SYNM: variants seen among roughly 807,000 people sequenced by gnomAD.
SYNM encodes desmuslin.
In SYNM, 95 loss-of-function variants were observed where a neutral mutation model predicts 104.0. That is an observed-to-expected ratio of 0.91 (90% CI 0.77 to 1.08). SYNM has a LOEUF of 1.08. SYNM is among the 50% of genes least tolerant of loss of function. SYNM has a pLI of 0.00. For missense variants in SYNM, 2,150 were observed against 2,052.2 expected, an observed-to-expected ratio of 1.05 and a Z score of -0.92; for synonymous variants, 918 against 869.0, an observed-to-expected ratio of 1.06 and a Z score of -0.99.
intron 2 of SYNM, 48 bp downstream of exon 2, chr15:99,113,763 A>G: frequency 6.2e-7 from 1 of 1,605,184 alleles, no homozygotes; most frequent in Non-Finnish European, 8.5e-7. Context: ...TGGGGGTGTA[A>G]CTTGCACATG....
Position 99,130,158 on chromosome 15 carries a change from G to T in SYNM, c.1798G>T (p.Val600Leu). 6.2e-7 allele frequency: 1 copy of T among 1,613,946 alleles called. No individual in the cohort carries two copies. Among genetic ancestry groups the T allele is most frequent in the Non-Finnish European group, 8.5e-7 (1 of 1,179,910 alleles). ...EVSPKGLQTPVKDAGGGTGRE... is the reference protein window; with the variant it reads ...EVSPKGLQTPLKDAGGGTGRE... The stretch of plus-strand genomic sequence containing the variant: ...GTCCCCGAAAGGTTTGCAGACGCCT[G>T]TGAAGGATGCTGGTGGTGGGACCGG... Residue 600 changes from valine to leucine, a missense_variant, in exon 4 of 4, where the codon GTG (valine) becomes TTG (leucine). Physicochemically the swap from Val to Leu is conservative, Grantham distance 32. Coordinates refer to ENST00000336292, the MANE Select transcript of SYNM (RefSeq NM_145728.3).
intron 2 of SYNM, 99 bp from the exon 3 acceptor site, chr15:99,126,623 A>G (rs2067450196): frequency 1.0e-5 from 12 of 1,167,698 alleles, no homozygotes; most frequent in Non-Finnish European, 1.4e-5. Context: ...AAAACAGGTG[A>G]CACTATGGTC....
chr15:99,132,612 G>C lies in SYNM; in HGVS notation c.4252G>C (p.Ala1418Pro), dbSNP rs369968851. 89 of 1,613,904 alleles carry C rather than the reference G, an allele frequency of 5.5e-5. No individual in the cohort carries two copies. In the African/African-American group the frequency reaches 1.1e-3, roughly 20 times the overall value. ...PTETETSEHI[A>P]IRGPVSRTFV... is the part of the protein sequence containing the mutation. ...AGAAACGGAAACCTCTGAACACATT[G>C]CCATCCGTGGACCCGTGTCCAGAAC... Residue 1418 changes from alanine to proline, a missense_variant, in exon 4 of 4, where the codon GCC becomes CCC. Coordinates refer to ENST00000336292, the MANE Select transcript of SYNM (RefSeq NM_145728.3).
rs2067484218 is a variant in SYNM, at chr15:99,130,040, G to T, written c.1680G>T (p.Lys560Asn). ...RQRESQQMKE[K>N]AKEKDSPKEK... ...GAGAAAGCCAGCAGATGAAGGAGAA[G>T]GCTAAGGAGAAGGACTCACCGAAGG... The change falls in exon 4 of 4, where the codon AAG becomes AAT. Residue 560 changes from lysine to asparagine, a missense_variant. Coordinates refer to ENST00000336292, the MANE Select transcript of SYNM (RefSeq NM_145728.3). 3 of 1,613,726 alleles carry T rather than the reference G, an allele frequency of 1.9e-6. No individual in the cohort carries two copies. The African/African-American group carries it at 4.0e-5, about 22-fold the overall frequency.
intron 1 of SYNM, among the ~76,000 whole-genome samples, chr15:99,107,957 TTTTTGGTTTTGGTTTTGG>T (rs1338328394): frequency 7.6e-6 from 1 of 132,236 alleles, no homozygotes; most frequent in Non-Finnish European, 1.6e-5. Context: ...TTTTGTTTTT[TTTTTGGTTTTGGTTTTGG>T]TTTTGGTTTT....
intron 3 of SYNM, among the ~76,000 whole-genome samples, chr15:99,128,001 C>CTTCATTCA (rs57585643): frequency 0.054 from 8,201 of 151,126 alleles, 336 homozygotes; most frequent in African/African-American, 0.12. Flanking sequence ...TGTTAACTTG[C>CTTCATTCA]TTCATTCATT....
intron 2 of SYNM, among the ~76,000 whole-genome samples, chr15:99,116,548 G>C (rs1386384269): frequency 6.9e-6 from 1 of 144,124 alleles, no homozygotes; most frequent in Non-Finnish European, 1.5e-5. Context: ...TACCGGAATC[G>C]TGGTGCTGGC....
At chr15:99,106,810 G>A (rs1168708354) in intron 1 of SYNM, among the ~76,000 whole-genome samples, 2 of 152,230 alleles carry the variant, frequency 1.3e-5, no homozygotes, top group Non-Finnish European at 2.9e-5. Flanking sequence ...GCCCTGCCCT[G>A]CCTCAGCCAG....
chr15:99,119,596 T>C (rs1697151656), intron 2 of SYNM, among the ~76,000 whole-genome samples: 1 of 152,278 alleles, frequency 6.6e-6, no homozygotes, highest in Non-Finnish European at 1.5e-5. Context: ...CCCTTAGAGC[T>C]GCCCTGGGCC....
chr15:99,123,836 C>G (rs1329802309), intron 2 of SYNM, among the ~76,000 whole-genome samples: 1 of 152,274 alleles, frequency 6.6e-6, no homozygotes, highest in African/African-American at 2.4e-5. Flanking sequence ...GCCCACGGTG[C>G]TGAGTCACGG....
chr15:99,124,099 C>T (rs1555484825), intron 2 of SYNM, among the ~76,000 whole-genome samples: 1 of 152,232 alleles, frequency 6.6e-6, no homozygotes, highest in Non-Finnish European at 1.5e-5. Context: ...CCCACAATAG[C>T]CCATGACTCA....
At chr15:99,129,162 G>A (rs2067473904) in intron 3 of SYNM, 1 of 651,790 alleles carries the variant, frequency 1.5e-6, no homozygotes, top group Non-Finnish European at 2.5e-6. Context: ...AGTATTTGTA[G>A]TGCTACATTT....
At chr15:99,113,746 G>C (rs376075100) in intron 2 of SYNM, 31 bp downstream of exon 2, 1 of 1,611,340 alleles carries the variant, frequency 6.2e-7, no homozygotes, top group Admixed American at 1.7e-5. Context: ...TGGCCTTGAC[G>C]AAGCCATGGG....
intron 2 of SYNM, among the ~76,000 whole-genome samples, chr15:99,124,158 C>T (rs1387711213): frequency 2.0e-5 from 3 of 152,258 alleles, no homozygotes; most frequent in Non-Finnish European, 4.4e-5. Context: ...CAGATTTCCT[C>T]CACCGCTCTC....
At position 99,131,587 on chromosome 15, in the gene SYNM, C is replaced by T. The variant is rs782348073; in HGVS notation, c.3227C>T (p.Pro1076Leu). Residue 1076 changes from proline to leucine, a missense_variant, in exon 4 of 4, where the codon CCT (proline) becomes CTT (leucine). Transcript: ENST00000336292. This position sits in a 1 kb window ranked among gnomAD's most constrained non-coding sequence, Gnocchi z 4.3. ...RRWATRELYI[P>L]SGESEVAGGA... ...TGGGCCACCCGGGAGCTGTACATCCCTTCAGGCGAGAGCGAGGTTGCTGGT... is the reference window on the plus strand; with the variant it reads ...TGGGCCACCCGGGAGCTGTACATCCTTTCAGGCGAGAGCGAGGTTGCTGGT... 4 of 1,610,054 alleles carry T rather than the reference C, an allele frequency of 2.5e-6. No individual in the cohort carries two copies. Among genetic ancestry groups the T allele is most frequent in the African/African-American group, 1.3e-5 (1 of 75,072 alleles).
chr15:99,112,367 C>T (rs1277453639), intron 1 of SYNM, among the ~76,000 whole-genome samples: 1 of 152,160 alleles, frequency 6.6e-6, no homozygotes, highest in Non-Finnish European at 1.5e-5. Context: ...TTAATTGTTC[C>T]CCAGAGTAAC....
At chr15:99,119,631 G>C (rs2151803639) in intron 2 of SYNM, among the ~76,000 whole-genome samples, 1 of 152,296 alleles carries the variant, frequency 6.6e-6, no homozygotes, top group South Asian at 2.1e-4. Flanking sequence ...GAATCCTGTG[G>C]AGCCATATGG....
chr15:99,111,806 A>G (rs1555483428), intron 1 of SYNM, among the ~76,000 whole-genome samples: 1 of 152,236 alleles, frequency 6.6e-6, no homozygotes, highest in Admixed American at 6.5e-5. Flanking sequence ...GCACTTTGCA[A>G]GGCTGAGGCG....
intron 2 of SYNM, among the ~76,000 whole-genome samples, chr15:99,122,048 C>T (rs543903474): frequency 5.4e-4 from 82 of 152,334 alleles, no homozygotes; most frequent in South Asian, 1.9e-3. Context: ...GGCCTTACCT[C>T]GGCAGATAGG....
Sources: allele counts gnomAD v4.1 joint callset (sites outside exome capture counted in the v4.1 genomes callset), GRCh38; gene constraint gnomAD v4.1.1; non-coding constraint Gnocchi (gnomAD v3.1); transcripts MANE v1.5; gene names NCBI Gene and HGNC (gene_info 2026-07-23, HGNC 2026-07-21).